Variants in PHACTR3 observed in about 807,000 individuals in gnomAD.
PHACTR3 encodes phosphatase and actin regulator 3, also known as protein phosphatase 1, regulatory subunit 123.
A neutral mutation model predicts 66.8 loss-of-function variants in PHACTR3; 16 were observed. The ratio of observed to expected loss-of-function variants is 0.24; its 90% CI spans 0.16 to 0.36. PHACTR3 has a LOEUF of 0.36. PHACTR3 is among the 10% of genes least tolerant of loss of function. The pLI is 1.00. For missense variants in PHACTR3, 647 were observed against 719.9 expected, an observed-to-expected ratio of 0.90 and a Z score of 1.16; for synonymous variants, 323 against 292.1, an observed-to-expected ratio of 1.11 and a Z score of -1.08.
intron 1 of PHACTR3, among the ~76,000 whole-genome samples, chr20:59,588,886 C>T (rs937954796): frequency 7.9e-5 from 12 of 152,366 alleles, no homozygotes; most frequent in African/African-American, 1.2e-4. Context: ...TCTTCAGGCC[C>T]GTTGCCGAAT....
At chr20:59,727,341 G>A (rs965874695) in intron 1 of PHACTR3, among the ~76,000 whole-genome samples, 1 of 152,052 alleles carries the variant, frequency 6.6e-6, no homozygotes, top group Non-Finnish European at 1.5e-5. Flanking sequence ...CCATTTGTCC[G>A]CTGATGGACA....
At chr20:59,842,657 TGAAGTTA>T (rs1215280285) in intron 11 of PHACTR3, among the ~76,000 whole-genome samples, 2 of 152,178 alleles carry the variant, frequency 1.3e-5, no homozygotes, top group Non-Finnish European at 2.9e-5. Flanking sequence ...TAATGTATGC[TGAAGTTA>T]GAAAGGCTTA....
At chr20:59,635,099 C>T (rs10153992) in intron 1 of PHACTR3, among the ~76,000 whole-genome samples, 3 of 125,806 alleles carry the variant, frequency 2.4e-5, no homozygotes, top group African/African-American at 8.9e-5. Flanking sequence ...CTTTCTTTCT[C>T]TCTCTTTCTT....
intron 1 of PHACTR3, among the ~76,000 whole-genome samples, chr20:59,735,919 A>G (rs964888242): frequency 1.3e-5 from 2 of 152,320 alleles, no homozygotes; most frequent in East Asian, 1.9e-4. Flanking sequence ...TGTAAGCTCC[A>G]TGAGGTCAGT....
At chr20:59,800,757 A>G (rs1167824283) in intron 7 of PHACTR3, among the ~76,000 whole-genome samples, 1 of 152,104 alleles carries the variant, frequency 6.6e-6, no homozygotes, top group Admixed American at 6.6e-5. Flanking sequence ...TGTTTTTTGT[A>G]TTCCTATAAA....
At chr20:59,781,427 C>G (rs747865248) in intron 7 of PHACTR3, among the ~76,000 whole-genome samples, 3 of 152,184 alleles carry the variant, frequency 2.0e-5, no homozygotes, top group African/African-American at 2.4e-5. Context: ...TGACCCTGGG[C>G]AGGTGGTGGC....
At chr20:59,707,310 C>T (rs1043086056) in intron 1 of PHACTR3, among the ~76,000 whole-genome samples, 9 of 152,122 alleles carry the variant, frequency 5.9e-5, no homozygotes, top group South Asian at 2.1e-4. Context: ...GAAGTTTGTC[C>T]GCTCTAAATC....
chr20:59,724,331 A>G (rs2146694017), intron 1 of PHACTR3, among the ~76,000 whole-genome samples: 1 of 152,240 alleles, frequency 6.6e-6, no homozygotes, highest in South Asian at 2.1e-4. Flanking sequence ...TATTTAAACC[A>G]CCACGTGGAG....
Position 59,738,301 on chromosome 20 carries a change from A to G in PHACTR3, c.119-4806A>G, listed in dbSNP as rs1173846507. Among the ~76,000 whole-genome samples the G allele has an allele frequency of 6.6e-6, 1 of 152,144 alleles. No individual in the cohort carries two copies. Among genetic ancestry groups the G allele is most frequent in the Non-Finnish European group, 1.5e-5 (1 of 68,018 alleles). On this transcript the variant is annotated intron_variant, in intron 1 of 12. Transcript: ENST00000371015. The surrounding 1 kb of genome is among the most constrained non-coding windows in gnomAD (Gnocchi z 4.4). Reference sequence around the variant, plus strand: ...CACACTGGCTTCCATGGCACATGGCAAGCACTAATGCACAATAAGGATGAT... The same window carrying G: ...CACACTGGCTTCCATGGCACATGGCGAGCACTAATGCACAATAAGGATGAT...
chr20:59,622,220 G>T (rs1256603834), intron 1 of PHACTR3, among the ~76,000 whole-genome samples: 1 of 151,880 alleles, frequency 6.6e-6, no homozygotes, highest in African/African-American at 2.4e-5. Flanking sequence ...CAAGGCCATG[G>T]TGCATCCCTC....
chr20:59,580,473 T>G (rs1327344721), intron 1 of PHACTR3, among the ~76,000 whole-genome samples: 2 of 152,190 alleles, frequency 1.3e-5, no homozygotes, highest in African/African-American at 4.8e-5. Flanking sequence ...AGGGCTGCAT[T>G]AATTTAGGAA....
At chr20:59,678,739 T>C (rs2036538488) in intron 1 of PHACTR3, among the ~76,000 whole-genome samples, 3 of 152,248 alleles carry the variant, frequency 2.0e-5, no homozygotes, top group African/African-American at 7.2e-5. Context: ...CAATTAACTT[T>C]AGAAGATGCA....
At chr20:59,737,234 A>G (rs981094029) in intron 1 of PHACTR3, among the ~76,000 whole-genome samples, 7 of 152,068 alleles carry the variant, frequency 4.6e-5, no homozygotes, top group East Asian at 1.9e-4. Context: ...TGACCCTGTC[A>G]CAGTCGGTCA....
intron 2 of PHACTR3, among the ~76,000 whole-genome samples, chr20:59,746,077 G>A (rs2039360901): frequency 6.6e-6 from 1 of 152,180 alleles, no homozygotes; most frequent in African/African-American, 2.4e-5. Context: ...CATTCACTTT[G>A]TCAATTTTAT....
intron 4 of PHACTR3, among the ~76,000 whole-genome samples, chr20:59,763,983 AGCTG>A (rs1264119620): frequency 6.6e-6 from 1 of 152,198 alleles, no homozygotes; most frequent in Non-Finnish European, 1.5e-5. Context: ...ATTGTAACTA[AGCTG>A]GGAGTATACA....
chr20:59,817,936 C>G (rs917305066), intron 8 of PHACTR3, among the ~76,000 whole-genome samples: 3 of 152,212 alleles, frequency 2.0e-5, no homozygotes, highest in Admixed American at 2.0e-4. Context: ...TTTCTTTACA[C>G]TGAGGTTAAG....
At chr20:59,834,716 A>AATC (rs1230192505) in intron 8 of PHACTR3, among the ~76,000 whole-genome samples, 2 of 152,178 alleles carry the variant, frequency 1.3e-5, no homozygotes, top group Admixed American at 6.5e-5. Context: ...TCTCTGCCAG[A>AATC]TTCTGAATGT....
At chr20:59,641,964 G>A (rs1416957165) in intron 1 of PHACTR3, among the ~76,000 whole-genome samples, 2 of 152,174 alleles carry the variant, frequency 1.3e-5, no homozygotes, top group Non-Finnish European at 2.9e-5. Context: ...CACAAAATCA[G>A]TCTCTGTCAC....
chr20:59,613,450 C>T (rs1212798361), intron 1 of PHACTR3, among the ~76,000 whole-genome samples: 1 of 152,200 alleles, frequency 6.6e-6, no homozygotes, highest in East Asian at 1.9e-4. Context: ...GAGCACTGCC[C>T]AGTGACACCC....
Sources: allele counts gnomAD v4.1 joint callset (sites outside exome capture counted in the v4.1 genomes callset), GRCh38; gene constraint gnomAD v4.1.1; non-coding constraint Gnocchi (gnomAD v3.1); transcripts MANE v1.5; gene names NCBI Gene and HGNC (gene_info 2026-07-23, HGNC 2026-07-21).